NINJ1: variants seen among roughly 807,000 people sequenced by gnomAD.
The protein encoded by NINJ1 is ninjurin 1.
Under a neutral mutation model 12.7 loss-of-function variants are expected in NINJ1, and 6 were observed. That is an observed-to-expected ratio of 0.47 (90% CI 0.26 to 0.93). The LOEUF (loss-of-function observed/expected upper bound fraction) is 0.93. Ranked by LOEUF, NINJ1 falls within the 40% of genes least tolerant of loss-of-function variation. The pLI, the probability that NINJ1 is intolerant of heterozygous loss-of-function variation, is 0.15. For synonymous variants in NINJ1, 100 were observed against 96.0 expected (o/e 1.04, Z -0.25); for missense variants, 170 against 213.0 (o/e 0.80, Z 1.26).
intron 2 of NINJ1, chr9:93,125,883 G>C (rs1827803545): frequency 6.3e-6 from 1 of 158,528 alleles, no homozygotes; most frequent in South Asian, 1.6e-4. Context: ...GACACAGCAA[G>C]ACCCGGTTTC....
At chr9:93,122,424 G>T (rs1827749112) in intron 3 of NINJ1, among the ~76,000 whole-genome samples, 194 bp from the exon 4 acceptor site, 1 of 146,812 alleles carries the variant, frequency 6.8e-6, no homozygotes, top group Non-Finnish European at 1.5e-5. Flanking sequence ...GGGAAGGGGG[G>T]AGAGGAGAGG....
At chr9:93,124,718 ACC>A (rs1423657276) in intron 3 of NINJ1, among the ~76,000 whole-genome samples, 179 bp downstream of exon 3, 1 of 152,192 alleles carries the variant, frequency 6.6e-6, no homozygotes, top group Non-Finnish European at 1.5e-5. Flanking sequence ...GGTGGCCAGC[ACC>A]AGTGGCAGGG....
At chr9:93,127,515 A>G (rs925884830) in intron 1 of NINJ1, among the ~76,000 whole-genome samples, 4 of 152,000 alleles carry the variant, frequency 2.6e-5, no homozygotes, top group African/African-American at 9.7e-5. Flanking sequence ...CCCTGGCAGG[A>G]CATGGCCCTC....
intron 1 of NINJ1, among the ~76,000 whole-genome samples, chr9:93,130,454 C>T (rs1212063717): frequency 6.6e-6 from 1 of 152,160 alleles, no homozygotes; most frequent in Non-Finnish European, 1.5e-5. Flanking sequence ...TGGGAGGAGA[C>T]AGGGTCGGGG....
intron 3 of NINJ1, among the ~76,000 whole-genome samples, chr9:93,124,597 G>A (rs369993551): frequency 6.1e-5 from 9 of 147,474 alleles, no homozygotes; most frequent in East Asian, 3.9e-4. Flanking sequence ...TTTTTTTATC[G>A]GACAGACATT....
chr9:93,125,192 T>A, intron 2 of NINJ1, 130 bp from the exon 3 acceptor site: 1 of 875,958 alleles, frequency 1.1e-6, no homozygotes, highest in Non-Finnish European at 1.7e-6. Flanking sequence ...CAGTCGCATT[T>A]AGGATGAGTT....
chr9:93,125,760 T>TA (rs1459286792), intron 2 of NINJ1: 1 of 152,496 alleles, frequency 6.6e-6, no homozygotes, highest in African/African-American at 2.4e-5. Context: ...CTACCAAAAA[T>TA]AAAAAAATTA....
At chr9:93,132,684 G>C (rs2130754260) in intron 1 of NINJ1, among the ~76,000 whole-genome samples, 1 of 152,326 alleles carries the variant, frequency 6.6e-6, no homozygotes. Context: ...GGTGGGGCGG[G>C]GCTGTGTCTC....
At position 93,121,825 on chromosome 9, in the gene NINJ1, G is replaced by T. The variant is rs1027056733; in HGVS notation, c.*415C>A. 2 of 152,490 alleles carry T rather than the reference G, an allele frequency of 1.3e-5. No individual in the cohort carries two copies. The highest frequency in any genetic ancestry group is 4.8e-5 in the African/African-American group (2 of 41,474). The allele number at this position is 152,490 out of a possible 1,614,324, so 9.4% of individuals were successfully genotyped here. On this transcript the variant is annotated 3_prime_UTR_variant, in exon 4 of 4. Coordinates refer to ENST00000375446, the MANE Select transcript of NINJ1 (RefSeq NM_004148.4). ...GGACGCTGGTGCTTTGGGAGAGGGA[G>T]AGACATCTCCTTGTCCTTCTGGAAT...
chr9:93,132,861 TTG>T (rs973774987), intron 1 of NINJ1, among the ~76,000 whole-genome samples: 5 of 152,196 alleles, frequency 3.3e-5, no homozygotes, highest in African/African-American at 9.6e-5. Context: ...AAGGTCAGGG[TTG>T]GGGGAGGAGC....
intron 3 of NINJ1, among the ~76,000 whole-genome samples, chr9:93,123,476 G>A (rs963874168): frequency 6.6e-6 from 1 of 152,204 alleles, no homozygotes. Flanking sequence ...CAGAGACACG[G>A]TATCTCCATG....
intron 1 of NINJ1, among the ~76,000 whole-genome samples, chr9:93,126,912 T>C (rs912282664): frequency 1.3e-5 from 2 of 152,118 alleles, no homozygotes; most frequent in Admixed American, 6.5e-5. Context: ...CTGGAAAGCA[T>C]TGCCCGATCC....
intron 1 of NINJ1, 58 bp downstream of exon 1, chr9:93,134,085 G>A: frequency 1.5e-6 from 2 of 1,358,568 alleles, no homozygotes; most frequent in East Asian, 2.8e-5. Context: ...GGGGAGCCGC[G>A]GCGCCCCGAA....
At chr9:93,133,659 G>C (rs1335218779) in intron 1 of NINJ1, among the ~76,000 whole-genome samples, 1 of 152,236 alleles carries the variant, frequency 6.6e-6, no homozygotes, top group Non-Finnish European at 1.5e-5. Flanking sequence ...AGATTGTGTG[G>C]TCAGCGTGGG....
At chr9:93,127,291 G>A (rs569392923) in intron 1 of NINJ1, among the ~76,000 whole-genome samples, 2 of 152,300 alleles carry the variant, frequency 1.3e-5, no homozygotes, top group East Asian at 1.9e-4. Flanking sequence ...CTCAGCATAC[G>A]ACATACAGTG....
rs772477673 is a variant in NINJ1, at chr9:93,134,209, C to G, written c.9G>C (p.Ser3=). The change falls in exon 1 of 4, where the codon TCG becomes TCC. Residue 3 remains serine, a synonymous_variant. Coordinates refer to ENST00000375446, the MANE Select transcript of NINJ1 (RefSeq NM_004148.4). ...CGTTGAGCTCGTACTCCTCGGTTCC[C>G]GAGTCCATGGTGCGGCCGCCCAGGC... MD[S]GTEEYELNGG... is the part of the protein sequence containing the mutation. 1.3e-6 allele frequency: 2 copies of G among 1,511,784 alleles called. No individual in the cohort carries two copies. The highest frequency in any genetic ancestry group is 1.8e-6 in the Non-Finnish European group (2 of 1,124,966). 93.6% of individuals were successfully genotyped at this position (1,511,784 alleles called of 1,614,324 possible). A position where few individuals can be genotyped will look rare whatever the true frequency, so the allele number is the denominator to read the frequency against.
chr9:93,125,337 G>A (rs1333654576), intron 2 of NINJ1: 7 of 280,450 alleles, frequency 2.5e-5, no homozygotes, highest in Admixed American at 1.0e-4. Context: ...AGCTATGGAC[G>A]TCAACCAAAG....
intron 2 of NINJ1, 25 bp downstream of exon 2, chr9:93,126,385 T>C (rs12235416): frequency 0.2 from 316,578 of 1,593,920 alleles, 32,732 homozygotes; most frequent in African/African-American, 0.33. Context: ...GCAGGTGGCC[T>C]GGCTGCCCCC....
chr9:93,127,164 A>C (rs1827826396), intron 1 of NINJ1, among the ~76,000 whole-genome samples: 1 of 152,064 alleles, frequency 6.6e-6, no homozygotes, highest in African/African-American at 2.4e-5. Flanking sequence ...CCAACAGGCC[A>C]CTCGCCTCCA....
Sources: gnomAD v4.1 joint callset for allele counts (sites outside exome capture counted in the v4.1 genomes callset) on GRCh38, gnomAD v4.1.1 for gene constraint, MANE v1.5 for transcripts, NCBI Gene and HGNC (gene_info 2026-07-23, HGNC 2026-07-21) for gene names.